Variants in OR2V1 observed in about 807,000 individuals in gnomAD.
OR2V1 encodes olfactory receptor family 2 subfamily V member 1, also known as olfactory receptor 2V1.
Under a neutral mutation model 15.0 loss-of-function variants are expected in OR2V1, and 18 were observed. The ratio of observed to expected loss-of-function variants is 1.20; its 90% CI spans 0.83 to 1.78. OR2V1 has a LOEUF of 1.78. Ranked by LOEUF, OR2V1 falls within the 40% of genes most tolerant of loss-of-function variation. The probability of loss-of-function intolerance (pLI) is 0.00; values close to 1 mark genes in which losing one functional copy is unlikely to be tolerated. For synonymous variants in OR2V1, 144 were observed against 146.1 expected (o/e 0.99, Z 0.10); for missense variants, 359 against 392.9 (o/e 0.91, Z 0.73).
Position 181,124,560 on chromosome 5 carries a change from C to T in OR2V1, c.745G>A (p.Val249Ile), listed in dbSNP as rs759756840. The T allele has an allele frequency of 2.1e-5, 34 of 1,613,174 alleles. No homozygotes were observed. In the East Asian group the frequency reaches 7.6e-4, roughly 36 times the overall value. ...LATCSSHLTAVTLFYGAAMFM... is the reference protein window; with the variant it reads ...LATCSSHLTAITLFYGAAMFM... ...ATGGCTGCCCCATAGAAGAGGGTGA[C>T]AGCTGTTAGGTGGGAGGAGCAGGTG... The change falls in exon 4 of 4, where the codon GTC (valine) becomes ATC (isoleucine). Residue 249 changes from valine (V) to isoleucine (I), a missense_variant. Coordinates refer to ENST00000641551, the MANE Select transcript of OR2V1 (RefSeq NM_001258283.2).
chr5:181,129,048 C>T (rs566875333), intron 3 of OR2V1, among the ~76,000 whole-genome samples: 13 of 152,244 alleles, frequency 8.5e-5, no homozygotes, highest in Admixed American at 3.3e-4. Context: ...GCAACATAAA[C>T]GAGACCTCAT....
At chr5:181,129,930 A>G (rs901125694) in intron 2 of OR2V1, among the ~76,000 whole-genome samples, 14 of 152,202 alleles carry the variant, frequency 9.2e-5, no homozygotes, top group African/African-American at 3.4e-4. Flanking sequence ...GGAGTAGGAC[A>G]CCAAGGAAAG....
chr5:181,128,451 A>G (rs1561624236), intron 3 of OR2V1, among the ~76,000 whole-genome samples: 1 of 152,182 alleles, frequency 6.6e-6, no homozygotes, highest in South Asian at 2.1e-4. Context: ...ATAAAGCCAA[A>G]GTACTTCCAG....
rs929958157 is a variant in OR2V1 at position 181,126,669 on chromosome 5, G to A, written c.-21-1344C>T. On this transcript the variant is annotated intron_variant, in intron 3 of 3. Coordinates refer to ENST00000641551, the MANE Select transcript of OR2V1 (RefSeq NM_001258283.2). Reference sequence around the variant, plus strand: ...ACCCAGAGACATACAGACATGGAAAGATATGCACAGACACGCACAGAAACA... The same window carrying A: ...ACCCAGAGACATACAGACATGGAAAAATATGCACAGACACGCACAGAAACA... Among the ~76,000 whole-genome samples the A allele has an allele frequency of 2.0e-5, 3 of 151,652 alleles. No individual in the cohort carries two copies. The East Asian group carries it at 5.8e-4, about 29-fold the overall frequency.
At chr5:181,127,259 A>C (rs1462900176) in intron 3 of OR2V1, among the ~76,000 whole-genome samples, 1 of 152,214 alleles carries the variant, frequency 6.6e-6, no homozygotes, top group African/African-American at 2.4e-5. Context: ...GACTGAACAA[A>C]ATAATATGTG....
intron 1 of OR2V1, 140 bp from the exon 2 acceptor site, chr5:181,130,355 G>A (rs7713561): frequency 0.051 from 20,441 of 397,046 alleles, 892 homozygotes; most frequent in African/African-American, 0.16. Flanking sequence ...TGGAGCCCAC[G>A]GCACCCTCAG....
At position 181,123,912 on chromosome 5, in the gene OR2V1, G is replaced by A. The variant is rs762902323; in HGVS notation, c.*445C>T. 6.5e-6 allele frequency: 1 copy of A among 152,988 alleles called. No homozygotes were observed. Among genetic ancestry groups the A allele is most frequent in the African/African-American group, 2.4e-5 (1 of 41,348 alleles). The allele number at this position is 152,988 out of a possible 1,614,324, so 9.5% of individuals were successfully genotyped here. A position where few individuals can be genotyped will look rare whatever the true frequency, so the allele number is the denominator to read the frequency against. ...AGTCATCAATTAAATAATTTAGAAA[G>A]AATAGAAAAGGAACAGGAACCTAGA... On this transcript the variant is annotated 3_prime_UTR_variant, in exon 4 of 4. Transcript: ENST00000641551.
At position 181,124,552 on chromosome 5, in the gene OR2V1, G is replaced by A. The variant is rs1762846175; in HGVS notation, c.753C>T (p.Leu251=). 6.2e-7 allele frequency: 1 copy of A among 1,613,316 alleles called. No individual in the cohort carries two copies. Among genetic ancestry groups the A allele is most frequent in the Non-Finnish European group, 8.5e-7 (1 of 1,179,600 alleles). The change falls in exon 4 of 4, where the codon CTC becomes CTT. Residue 251 remains leucine, a synonymous_variant. Coordinates refer to ENST00000641551, the MANE Select transcript of OR2V1 (RefSeq NM_001258283.2). ...ACATGAACATGGCTGCCCCATAGAA[G>A]AGGGTGACAGCTGTTAGGTGGGAGG... ...TCSSHLTAVT[L]FYGAAMFMYL...
rs1179057405 is a variant in OR2V1 at position 181,124,927 on chromosome 5, G to A, written c.378C>T (p.Ala126=). ...LGLMAYDRYV[A]VSHPLHYPIL... is the part of the protein sequence containing the mutation. ...TGGGATAGTGAAGTGGGTGGCTAAC[G>A]GCCACGTAGCGGTCATAAGCCATGA... The change falls in exon 4 of 4, where the codon GCC becomes GCT. Residue 126 remains alanine (A), a synonymous_variant. Transcript: ENST00000641551. 8.7e-6 allele frequency: 14 copies of A among 1,613,904 alleles called. No homozygotes were observed. Among genetic ancestry groups the A allele is most frequent in the Non-Finnish European group, 1.1e-5 (13 of 1,179,980 alleles).
intron 3 of OR2V1, among the ~76,000 whole-genome samples, chr5:181,127,640 G>A (rs1047603437): frequency 3.9e-5 from 6 of 152,112 alleles, no homozygotes; most frequent in African/African-American, 1.4e-4. Context: ...CCCTAGGTCA[G>A]GGAGCTTGTC....
chr5:181,130,893 C>T (rs1762952783), intron 1 of OR2V1, among the ~76,000 whole-genome samples, 157 bp downstream of exon 1: 1 of 152,194 alleles, frequency 6.6e-6, no homozygotes, highest in Non-Finnish European at 1.5e-5. Flanking sequence ...TCACAGCTGT[C>T]CCTTGGGCCC....
intron 2 of OR2V1, 100 bp downstream of exon 2, chr5:181,130,073 G>A (rs937700792): frequency 7.5e-6 from 3 of 398,634 alleles, no homozygotes; most frequent in East Asian, 3.6e-5. Context: ...AGGAGGAAGA[G>A]CAAGTGCTGA....
rs892483112 is a variant in OR2V1, at chr5:181,123,784, T to A, written c.*573A>T. ...AAAGGAGGTTTTATAAAGCCTCTAA[T>A]TGAACATAGAAAAAGGCAAAGAACT... On this transcript the variant is annotated 3_prime_UTR_variant, in exon 4 of 4. Coordinates refer to ENST00000641551, the MANE Select transcript of OR2V1 (RefSeq NM_001258283.2). 3 of 152,218 alleles carry A rather than the reference T, an allele frequency of 2.0e-5. No individual in the cohort carries two copies. The highest frequency in any genetic ancestry group is 7.2e-5 in the African/African-American group (3 of 41,452). The allele number at this position is 152,218 out of a possible 1,614,324, so 9.4% of individuals were successfully genotyped here.
intron 1 of OR2V1, among the ~76,000 whole-genome samples, 180 bp downstream of exon 1, chr5:181,130,870 T>C (rs1305251372): frequency 6.6e-6 from 1 of 152,064 alleles, no homozygotes; most frequent in Non-Finnish European, 1.5e-5. Context: ...AGGGCCCTCA[T>C]GGGGTCTCCA....
rs1322196369 is a variant in OR2V1, at chr5:181,128,894, C to T, written c.-22+626G>A. On this transcript the variant is annotated intron_variant, in intron 3 of 3. Transcript: ENST00000641551. Reference sequence around the variant, plus strand: ...CCCTGGCTCCCGGAACAGGGTCTGGCACATCTGTTATGAGCTCAGTCAATA... The same window carrying T: ...CCCTGGCTCCCGGAACAGGGTCTGGTACATCTGTTATGAGCTCAGTCAATA... 2.0e-5 allele frequency among the ~76,000 whole-genome samples: 3 copies of T among 152,260 alleles called. No individual in the cohort carries two copies. The East Asian group carries it at 5.8e-4, about 29-fold the overall frequency.
At chr5:181,126,113 C>T (rs1374774957) in intron 3 of OR2V1, among the ~76,000 whole-genome samples, 1 of 152,202 alleles carries the variant, frequency 6.6e-6, no homozygotes, top group Non-Finnish European at 1.5e-5. Flanking sequence ...TAGGTCCAAA[C>T]CATCAGAAAA....
At chr5:181,130,307 C>T in intron 1 of OR2V1, 92 bp from the exon 2 acceptor site, 1 of 399,102 alleles carries the variant, frequency 2.5e-6, no homozygotes. Flanking sequence ...GCAGCCCCAA[C>T]CTCCTTCCTC....
rs192580132 is a variant in OR2V1 at position 181,130,297 on chromosome 5, G to A, written c.-120-82C>T. 1.3e-4 allele frequency: 50 copies of A among 398,888 alleles called. 2 individuals are homozygous for A. In the Admixed American group the frequency reaches 1.8e-3, roughly 14 times the overall value. The allele number at this position is 398,888 out of a possible 1,614,324, so 24.7% of individuals were successfully genotyped here. Reference sequence around the variant, plus strand: ...ACTGGGTCGGGGGACAGGAGGAGCCGCAGCCCCAACCTCCTTCCTCAGCCC... The same window carrying A: ...ACTGGGTCGGGGGACAGGAGGAGCCACAGCCCCAACCTCCTTCCTCAGCCC... On this transcript the variant is annotated intron_variant, in intron 1 of 3. Transcript: ENST00000641551.
chr5:181,126,733 CAT>C, intron 3 of OR2V1, among the ~76,000 whole-genome samples: 1 of 152,076 alleles, frequency 6.6e-6, no homozygotes, highest in Admixed American at 6.5e-5. Context: ...AACACAGAGA[CAT>C]ACACACACAC....
Sources: gnomAD v4.1 joint callset for allele counts (sites outside exome capture counted in the v4.1 genomes callset) on GRCh38, gnomAD v4.1.1 for gene constraint, MANE v1.5 for transcripts, NCBI Gene and HGNC (gene_info 2026-07-23, HGNC 2026-07-21) for gene names.